FAM193A: variants seen among roughly 807,000 people sequenced by gnomAD.
The protein encoded by FAM193A is protein FAM193A.
In FAM193A, 22 loss-of-function variants were observed where a neutral mutation model predicts 126.5. That is an observed-to-expected ratio of 0.17 (90% confidence interval 0.12 to 0.25). The LOEUF is 0.25. FAM193A is among the 10% of genes least tolerant of loss of function. The pLI is 1.00. For synonymous variants in FAM193A, 761 were observed against 646.8 expected (o/e 1.18, Z -2.68); for missense variants, 1,675 against 1,672.8 (o/e 1.00, Z -0.02).
intron 2 of FAM193A, among the ~76,000 whole-genome samples, chr4:2,610,302 C>T (rs1272172255): frequency 1.3e-5 from 2 of 152,046 alleles, no homozygotes; most frequent in Admixed American, 6.6e-5. Flanking sequence ...ATGGTTACTA[C>T]GCCCATAGAT....
intron 2 of FAM193A, among the ~76,000 whole-genome samples, chr4:2,618,546 G>A (rs1312657808): frequency 6.7e-6 from 1 of 149,796 alleles, no homozygotes. Flanking sequence ...TCCTGCCTCA[G>A]CATCCTGAGT....
chr4:2,692,235 C>T (rs1018249687), intron 15 of FAM193A, among the ~76,000 whole-genome samples: 14 of 152,108 alleles, frequency 9.2e-5, no homozygotes, highest in Non-Finnish European at 1.9e-4. Context: ...CACCTCTTCA[C>T]GGGGGAGAGA....
At chr4:2,543,094 CTT>C (rs199951533) in intron 1 of FAM193A, among the ~76,000 whole-genome samples, 1 of 146,100 alleles carries the variant, frequency 6.8e-6, no homozygotes, top group Non-Finnish European at 1.5e-5. Flanking sequence ...GTTTTCTTTT[CTT>C]TTTTTTTTTT....
In FAM193A at chr4:2,670,606, C is replaced by T. The variant is rs868158162; in HGVS notation, c.2080-1515C>T. Among the ~76,000 whole-genome samples, 5 of 152,212 alleles carry T rather than the reference C, an allele frequency of 3.3e-5. No homozygotes were observed. In the South Asian group the frequency reaches 1.0e-3, roughly 32 times the overall value. ...CCCCAAGTACTTGGGACTACAGGCA[C>T]ACACCACCATGCCTGGATAGTTTTT... On this transcript the variant is annotated intron_variant, in intron 12 of 20. Transcript: ENST00000637812.
chr4:2,561,148 A>G (rs1350284154), intron 1 of FAM193A, among the ~76,000 whole-genome samples: 1 of 152,174 alleles, frequency 6.6e-6, no homozygotes, highest in African/African-American at 2.4e-5. Flanking sequence ...TCTCAAGTTC[A>G]CACTTAATAT....
intron 19 of FAM193A, among the ~76,000 whole-genome samples, chr4:2,715,100 C>T (rs990719328): frequency 6.6e-6 from 1 of 152,216 alleles, no homozygotes; most frequent in Non-Finnish European, 1.5e-5. Context: ...CCCTGCTATC[C>T]TGCCTGTTTT....
chr4:2,682,029 G>A (rs983418342), intron 13 of FAM193A, among the ~76,000 whole-genome samples: 1 of 137,386 alleles, frequency 7.3e-6, no homozygotes, highest in African/African-American at 2.8e-5. Context: ...CGGTCGCCCA[G>A]GCTGGAGTGC....
chr4:2,689,776 C>A, intron 14 of FAM193A, 72 bp downstream of exon 14: 1 of 1,107,414 alleles, frequency 9.0e-7, no homozygotes, highest in Non-Finnish European at 1.3e-6. Context: ...GCCGTAGTCT[C>A]CCGTGGAAGC....
At chr4:2,565,856 G>A (rs1738909978) in intron 1 of FAM193A, among the ~76,000 whole-genome samples, 1 of 152,184 alleles carries the variant, frequency 6.6e-6, no homozygotes. Context: ...AAAGGTAAAA[G>A]CATTGCCTAT....
rs759150224 is a variant in FAM193A, at chr4:2,693,600, G to T, written c.2818G>T (p.Gly940Cys). ...RPPSVGDVFH[G>C]ISKEDHRHSA... ...TCTAAATGCAGGTGACGTGTTTCAT[G>T]GCATCAGCAAGGAGGACCACAGACA... The change falls in exon 16 of 21, where the codon GGC (glycine) becomes TGC (cysteine). Residue 940 changes from glycine to cysteine, a missense_variant. Physicochemically the swap from Gly to Cys is radical, Grantham distance 159. Coordinates refer to ENST00000637812, the MANE Select transcript of FAM193A (RefSeq NM_001366318.2). 2 of 1,610,116 alleles carry T rather than the reference G, an allele frequency of 1.2e-6. No homozygotes were observed. Among genetic ancestry groups the T allele is most frequent in the Non-Finnish European group, 1.7e-6 (2 of 1,176,808 alleles).
At chr4:2,659,137 T>C (rs1022842439) in intron 8 of FAM193A, among the ~76,000 whole-genome samples, 1 of 152,188 alleles carries the variant, frequency 6.6e-6, no homozygotes, top group African/African-American at 2.4e-5. Context: ...GAAATGCAGA[T>C]GCTCACCTTG....
intron 1 of FAM193A, among the ~76,000 whole-genome samples, chr4:2,553,382 G>T (rs846087): frequency 0.29 from 34,882 of 119,620 alleles, 4,956 homozygotes; most frequent in Middle Eastern, 0.36. Context: ...CCTTCTTTTT[G>T]TTTTTTTTTT....
intron 20 of FAM193A, among the ~76,000 whole-genome samples, chr4:2,731,517 C>G (rs955884053): frequency 6.6e-6 from 1 of 152,062 alleles, no homozygotes; most frequent in Non-Finnish European, 1.5e-5. Flanking sequence ...GCTCACAGCT[C>G]TCAGATTAAA....
intron 1 of FAM193A, among the ~76,000 whole-genome samples, chr4:2,563,249 C>T (rs1023325066): frequency 2.0e-5 from 3 of 152,148 alleles, no homozygotes; most frequent in African/African-American, 7.2e-5. Flanking sequence ...GGCCTTTGAT[C>T]TGCATTTCAG....
At chr4:2,631,273 C>T in intron 5 of FAM193A, 104 bp downstream of exon 5, 2 of 1,005,156 alleles carry the variant, frequency 2.0e-6, no homozygotes, top group Non-Finnish European at 2.9e-6. Context: ...CTGTCACACC[C>T]CCACACACTG....
At chr4:2,569,870 G>A (rs1739189249) in intron 1 of FAM193A, among the ~76,000 whole-genome samples, 1 of 152,208 alleles carries the variant, frequency 6.6e-6, no homozygotes, top group East Asian at 1.9e-4. Context: ...CTGGAATTTG[G>A]TCACAAAGTT....
At chr4:2,707,617 A>G (rs918299455) in intron 19 of FAM193A, among the ~76,000 whole-genome samples, 4 of 151,944 alleles carry the variant, frequency 2.6e-5, no homozygotes, top group Non-Finnish European at 5.9e-5. Context: ...ACTGCAATTA[A>G]TTTCACCCGT....
At chr4:2,717,946 C>T (rs781673216) in intron 20 of FAM193A, among the ~76,000 whole-genome samples, 49 of 152,178 alleles carry the variant, frequency 3.2e-4, no homozygotes, top group Admixed American at 1.0e-3. Context: ...TGAACCACCA[C>T]GCCCAGACTG....
intron 19 of FAM193A, among the ~76,000 whole-genome samples, chr4:2,712,522 A>G (rs964984400): frequency 6.6e-6 from 1 of 152,012 alleles, no homozygotes; most frequent in Non-Finnish European, 1.5e-5. Flanking sequence ...CCTTCGGCCC[A>G]TTTGCCTGAC....
Sources: gnomAD v4.1 joint callset for allele counts (sites outside exome capture counted in the v4.1 genomes callset) on GRCh38, gnomAD v4.1.1 for gene constraint, MANE v1.5 for transcripts, NCBI Gene and HGNC (gene_info 2026-07-23, HGNC 2026-07-21) for gene names.